STAU2: variants seen among roughly 807,000 people sequenced by gnomAD.
STAU2 encodes double-stranded RNA-binding protein Staufen homolog 2.
A neutral mutation model predicts 65.9 loss-of-function variants in STAU2; 20 were observed. That is an observed-to-expected ratio of 0.30 (90% CI 0.21 to 0.44). The LOEUF is 0.44. Among genes scored for constraint, STAU2 ranks in the 20% least tolerant of loss-of-function variants. The pLI, the probability that STAU2 is intolerant of heterozygous loss-of-function variation, is 1.00. For synonymous variants in STAU2, 232 were observed against 233.9 expected, an observed-to-expected ratio of 0.99 and a Z score of 0.07; for missense variants, 558 against 683.9, an observed-to-expected ratio of 0.82 and a Z score of 2.05.
intron 6 of STAU2, among the ~76,000 whole-genome samples, chr8:73,658,832 G>T (rs1299662928): frequency 1.3e-5 from 2 of 151,800 alleles, no homozygotes; most frequent in African/African-American, 4.8e-5. Flanking sequence ...AGAATCGCTT[G>T]AACCTGGGAG....
intron 13 of STAU2, among the ~76,000 whole-genome samples, chr8:73,470,076 G>T (rs1262405862): frequency 6.6e-6 from 1 of 152,122 alleles, no homozygotes; most frequent in Non-Finnish European, 1.5e-5. Context: ...TTAAACAGTG[G>T]GTAAAGGTGA....
intron 9 of STAU2, among the ~76,000 whole-genome samples, chr8:73,607,579 T>C (rs899690023): frequency 1.0e-4 from 15 of 150,624 alleles, no homozygotes; most frequent in African/African-American, 2.9e-4. Context: ...AAAAAAAACA[T>C]ACAAAAAATT....
In STAU2 at chr8:73,509,736, T is replaced by G. The variant is rs376241607; in HGVS notation, c.1530+42276A>C. Among the ~76,000 whole-genome samples, 27 of 152,294 alleles carry G rather than the reference T, an allele frequency of 1.8e-4. No individual in the cohort carries two copies. In the East Asian group the frequency reaches 4.4e-3, roughly 25 times the overall value. ...CTTATGTGAAAAAAAATAGGGTTTA[T>G]GGTTTTCTCTGGTAGATAGTAAAAA... On this transcript the variant is annotated intron_variant, in intron 13 of 14. Coordinates refer to ENST00000524300, the MANE Select transcript of STAU2 (RefSeq NM_001164380.2).
Position 73,569,962 on chromosome 8 carries a change from G to A in STAU2, c.1222+12808C>T, listed in dbSNP as rs181025025. On this transcript the variant is annotated intron_variant, in intron 12 of 14. Coordinates refer to ENST00000524300, the MANE Select transcript of STAU2 (RefSeq NM_001164380.2). ...AACGGAAAAAAGCTGGATGGAGAAC[G>A]ACTTCTACAAGTTGAGAGAAGAAGG... is the stretch of plus-strand genomic sequence containing the variant. 8.3e-4 allele frequency among the ~76,000 whole-genome samples: 126 copies of A among 152,308 alleles called. 1 individual carries two copies. Among genetic ancestry groups the A allele is most frequent in the African/African-American group, 2.8e-3 (117 of 41,566 alleles).
chr8:73,584,812 G>A (rs1810245703), intron 11 of STAU2, among the ~76,000 whole-genome samples: 1 of 152,122 alleles, frequency 6.6e-6, no homozygotes, highest in Non-Finnish European at 1.5e-5. Flanking sequence ...AAACAAATGA[G>A]AGAAAACAGA....
intron 13 of STAU2, among the ~76,000 whole-genome samples, chr8:73,521,357 C>G (rs1352299568): frequency 1.3e-5 from 2 of 152,126 alleles, no homozygotes; most frequent in African/African-American, 2.4e-5. Context: ...GACATAAACC[C>G]TTAAAGGTGA....
intron 12 of STAU2, among the ~76,000 whole-genome samples, chr8:73,570,765 T>C (rs1809018995): frequency 6.6e-6 from 1 of 152,164 alleles, no homozygotes; most frequent in Admixed American, 6.5e-5. Flanking sequence ...GCAGAAACTC[T>C]ACAAGCCAGA....
At chr8:73,624,948 C>T (rs1217827395) in intron 6 of STAU2, among the ~76,000 whole-genome samples, 3 of 152,068 alleles carry the variant, frequency 2.0e-5, no homozygotes, top group Non-Finnish European at 4.4e-5. Flanking sequence ...CATTTTTTGT[C>T]TCCTCTTAAC....
chr8:73,529,723 A>G (rs73326779), intron 13 of STAU2, among the ~76,000 whole-genome samples: 9,728 of 152,232 alleles, frequency 0.064, 814 homozygotes, highest in African/African-American at 0.2. Context: ...CAGACATTCA[A>G]TATTAGTGTG....
intron 12 of STAU2, among the ~76,000 whole-genome samples, chr8:73,569,130 G>A (rs796842936): frequency 1.1e-4 from 17 of 152,198 alleles, no homozygotes; most frequent in Admixed American, 4.6e-4. Flanking sequence ...CTTTTCCAAC[G>A]GTCTTAGCAA....
chr8:73,485,485 A>G (rs1483002023), intron 13 of STAU2, among the ~76,000 whole-genome samples: 1 of 152,026 alleles, frequency 6.6e-6, no homozygotes, highest in Non-Finnish European at 1.5e-5. Flanking sequence ...CACGGAAGGG[A>G]GAGATCCGAA....
At chr8:73,621,951 CTT>C (rs751349117) in intron 6 of STAU2, among the ~76,000 whole-genome samples, 5 of 129,892 alleles carry the variant, frequency 3.8e-5, no homozygotes, top group Admixed American at 7.8e-5. Context: ...GTCTTTCTCT[CTT>C]TTTTTTTTTT....
At chr8:73,620,768 C>T (rs117367311) in intron 6 of STAU2, among the ~76,000 whole-genome samples, 459 of 152,276 alleles carry the variant, frequency 3.0e-3, no homozygotes, top group Non-Finnish European at 5.5e-3. Flanking sequence ...GGATGCCTGA[C>T]TTATTTCATT....
At chr8:73,454,687 C>T (rs549465230) in intron 13 of STAU2, among the ~76,000 whole-genome samples, 79 of 152,256 alleles carry the variant, frequency 5.2e-4, no homozygotes, top group African/African-American at 1.7e-3. Flanking sequence ...ATTTGAATGG[C>T]ATTTTACATT....
At chr8:73,701,924 A>G (rs1360626523) in intron 4 of STAU2, among the ~76,000 whole-genome samples, 2 of 152,220 alleles carry the variant, frequency 1.3e-5, no homozygotes, top group Non-Finnish European at 2.9e-5. Flanking sequence ...GTCATTTGCA[A>G]TAACATGGAT....
intron 10 of STAU2, among the ~76,000 whole-genome samples, chr8:73,603,317 C>T (rs140883171): frequency 1.2e-4 from 18 of 152,324 alleles, no homozygotes; most frequent in Non-Finnish European, 2.1e-4. Flanking sequence ...CTTTTTCTAA[C>T]TTTCCTGACA....
At chr8:73,686,369 T>A (rs1818818671) in intron 5 of STAU2, among the ~76,000 whole-genome samples, 1 of 151,958 alleles carries the variant, frequency 6.6e-6, no homozygotes, top group African/African-American at 2.4e-5. Context: ...GCTAACACAG[T>A]GAAACCCCGT....
intron 4 of STAU2, among the ~76,000 whole-genome samples, chr8:73,701,118 AT>A (rs1180535415): frequency 6.6e-6 from 1 of 152,220 alleles, no homozygotes; most frequent in Non-Finnish European, 1.5e-5. Flanking sequence ...CACAAAAAAA[AT>A]CAAATCAAAA....
intron 13 of STAU2, among the ~76,000 whole-genome samples, chr8:73,423,439 A>C (rs1816554748): frequency 6.6e-6 from 1 of 152,170 alleles, no homozygotes; most frequent in African/African-American, 2.4e-5. Context: ...CCAAACTGTT[A>C]TTTCTTTGAG....
Sources: allele counts gnomAD v4.1 joint callset (sites outside exome capture counted in the v4.1 genomes callset), GRCh38; gene constraint gnomAD v4.1.1; transcripts MANE v1.5; gene names NCBI Gene and HGNC (gene_info 2026-07-23, HGNC 2026-07-21).